RANBP9: variants seen among roughly 807,000 people sequenced by gnomAD.
RANBP9 encodes ran-binding protein 9.
In RANBP9, 15 loss-of-function variants were observed where a neutral mutation model predicts 84.3. That is an observed-to-expected ratio of 0.18 (90% CI 0.12 to 0.27). The LOEUF is 0.27. Ranked by LOEUF, RANBP9 falls within the 10% of genes least tolerant of loss-of-function variation. The pLI is 1.00. For missense variants in RANBP9, 809 were observed against 912.8 expected, an observed-to-expected ratio of 0.89 and a Z score of 1.46; for synonymous variants, 392 against 349.6, an observed-to-expected ratio of 1.12 and a Z score of -1.35.
Position 13,634,478 on chromosome 6 carries a change from C to A in RANBP9, c.1748G>T (p.Gly583Val). 1 of 1,613,666 alleles carries A rather than the reference C, an allele frequency of 6.2e-7. No homozygotes were observed. The highest frequency in any genetic ancestry group is 8.5e-7 in the Non-Finnish European group (1 of 1,179,712). Reference sequence around the variant, plus strand: ...CATTTCGTGGTCATGTTTAGAGCTACCATTTAGGAAACCATTGGATGAAGT... The same window carrying A: ...CATTTCGTGGTCATGTTTAGAGCTAACATTTAGGAAACCATTGGATGAAGT... ...GETSSNGFLNGSSKHDHEMED... is the reference protein window; with the variant it reads ...GETSSNGFLNVSSKHDHEMED... Residue 583 changes from glycine (G) to valine (V), a missense_variant, in exon 11 of 14, where the codon GGT (glycine) becomes GTT (valine). Gly to Val is a moderately radical substitution (Grantham distance 109). Around this residue, in one of 5 missense-constraint regions of RANBP9, gnomAD observed 233 missense variants for 234.4 expected, o/e 0.99. Transcript: ENST00000011619.
intron 2 of RANBP9, among the ~76,000 whole-genome samples, chr6:13,660,518 G>T (rs143339467): frequency 6.6e-6 from 1 of 152,090 alleles, no homozygotes; most frequent in East Asian, 1.9e-4. Context: ...TGTCACTCAG[G>T]CTGGAGGGCA....
intron 4 of RANBP9, among the ~76,000 whole-genome samples, chr6:13,653,333 G>A (rs1765336341): frequency 6.6e-6 from 1 of 152,070 alleles, no homozygotes; most frequent in Non-Finnish European, 1.5e-5. Context: ...CTTGAGCAAT[G>A]GCAATATCAT....
chr6:13,693,991 C>A (rs1766384691), intron 2 of RANBP9, among the ~76,000 whole-genome samples: 1 of 152,012 alleles, frequency 6.6e-6, no homozygotes, highest in Non-Finnish European at 1.5e-5. Flanking sequence ...TGCAGTGAGC[C>A]AAGACTGCAC....
Position 13,633,114 on chromosome 6 carries a change from A to T in RANBP9, c.1796-593T>A, listed in dbSNP as rs568246608. Among the ~76,000 whole-genome samples, 23 of 152,050 alleles carry T rather than the reference A, an allele frequency of 1.5e-4. No homozygotes were observed. In the South Asian group the frequency reaches 4.4e-3, roughly 29 times the overall value. On this transcript the variant is annotated intron_variant, in intron 11 of 13. Transcript: ENST00000011619. ...CAGTGGTGTGATCCCAGCTCACTGG[A>T]ACCTCTGCCTCCCAGGTTCAAGCAA...
chr6:13,632,599 C>A (rs1764822068), intron 11 of RANBP9, 78 bp from the exon 12 acceptor site: 1 of 1,317,914 alleles, frequency 7.6e-7, no homozygotes, highest in African/African-American at 1.5e-5. Flanking sequence ...ATTTCTTATA[C>A]CATTTTGTAC....
intron 2 of RANBP9, among the ~76,000 whole-genome samples, chr6:13,665,106 T>A (rs927769495): frequency 7.9e-5 from 12 of 151,938 alleles, no homozygotes; most frequent in Admixed American, 4.6e-4. Flanking sequence ...TACACAAAAA[T>A]CAAATGAAGA....
intron 1 of RANBP9, among the ~76,000 whole-genome samples, chr6:13,707,508 G>C (rs1758157291): frequency 6.6e-6 from 1 of 152,130 alleles, no homozygotes; most frequent in African/African-American, 2.4e-5. Flanking sequence ...TGTGATCACA[G>C]GATTTTATCT....
Position 13,694,368 on chromosome 6 carries a change from T to C in RANBP9, c.683+2417A>G, listed in dbSNP as rs572504127. ...ATATACAACAGGGAGGAATCTCGAA[T>C]GTGTTATGCTAAGTGAAAGATACCA... On this transcript the variant is annotated intron_variant, in intron 2 of 13. Transcript: ENST00000011619. Among the ~76,000 whole-genome samples, 319 of 152,330 alleles carry C rather than the reference T, an allele frequency of 2.1e-3. 1 individual carries two copies. The highest frequency in any genetic ancestry group is 7.4e-3 in the African/African-American group (307 of 41,578).
At chr6:13,638,275 T>C (rs982887303) in intron 9 of RANBP9, among the ~76,000 whole-genome samples, 1 of 152,058 alleles carries the variant, frequency 6.6e-6, no homozygotes, top group Non-Finnish European at 1.5e-5. Flanking sequence ...AAGCCTGAAG[T>C]GACTGTATGA....
Position 13,634,280 on chromosome 6 carries a change from A to G in RANBP9, c.1795+151T>C. 6.8e-6 allele frequency: 6 copies of G among 880,652 alleles called. No individual in the cohort carries two copies. In the South Asian group the frequency reaches 9.6e-5, roughly 14 times the overall value. The allele number at this position is 880,652 out of a possible 1,614,324, so 54.6% of individuals were successfully genotyped here. ...CTTTCTCTAGCAGCCCACTCAAACA[A>G]GAGTTTAAGTGCTATGCATTACTGT... On this transcript the variant is annotated intron_variant, in intron 11 of 13. Transcript: ENST00000011619.
intron 2 of RANBP9, among the ~76,000 whole-genome samples, chr6:13,664,471 T>TTTTTA (rs1765603706): frequency 6.6e-6 from 1 of 152,096 alleles, no homozygotes; most frequent in Admixed American, 6.6e-5. Context: ...TCTTTTTTTT[T>TTTTTA]AATCTGAAAA....
chr6:13,705,406 CAAAAA>C (rs774239782), intron 1 of RANBP9, among the ~76,000 whole-genome samples: 46 of 26,744 alleles, frequency 1.7e-3, no homozygotes, highest in African/African-American at 4.2e-3. Context: ...GATTCTGTCT[CAAAAA>C]AAAAAAAAAA....
intron 10 of RANBP9, among the ~76,000 whole-genome samples, chr6:13,636,620 A>G (rs1295472625): frequency 6.6e-6 from 1 of 152,254 alleles, no homozygotes; most frequent in South Asian, 2.1e-4. Flanking sequence ...TTTAGTATAA[A>G]GCATGATGAA....
Position 13,667,795 on chromosome 6 carries a change from T to A in RANBP9, c.684-8963A>T, listed in dbSNP as rs762207746. Among the ~76,000 whole-genome samples, 196 of 152,162 alleles carry A rather than the reference T, an allele frequency of 1.3e-3. 2 individuals carry two copies. Among genetic ancestry groups the A allele is most frequent in the Non-Finnish European group, 2.6e-4 (18 of 68,006 alleles). ...TACCATTTAGGTTTGTGTAAGTACA[T>A]TCTATGATATTCCTACAATGACAAA... On this transcript the variant is annotated intron_variant, in intron 2 of 13. Coordinates refer to ENST00000011619, the MANE Select transcript of RANBP9 (RefSeq NM_005493.3).
At chr6:13,662,070 G>A (rs556746259) in intron 2 of RANBP9, among the ~76,000 whole-genome samples, 5 of 152,208 alleles carry the variant, frequency 3.3e-5, no homozygotes, top group African/African-American at 9.6e-5. Context: ...ACTATCTGAC[G>A]ACATACTTTA....
At chr6:13,699,206 T>G (rs1252929975) in intron 1 of RANBP9, among the ~76,000 whole-genome samples, 1 of 152,190 alleles carries the variant, frequency 6.6e-6, no homozygotes, top group South Asian at 2.1e-4. Flanking sequence ...TAAAATCCCA[T>G]ACATTTTTCC....
intron 2 of RANBP9, among the ~76,000 whole-genome samples, chr6:13,692,107 T>C (rs927455365): frequency 3.3e-5 from 5 of 152,170 alleles, no homozygotes; most frequent in Non-Finnish European, 1.5e-5. Flanking sequence ...AGAAAAACAT[T>C]AGTTGGCCAA....
intron 2 of RANBP9, among the ~76,000 whole-genome samples, chr6:13,679,381 G>A (rs565744312): frequency 4.7e-4 from 71 of 152,164 alleles, no homozygotes; most frequent in African/African-American, 1.7e-3. Context: ...AGACAATAAG[G>A]CTCTAAAAAC....
At chr6:13,683,291 A>G (rs1371084725) in intron 2 of RANBP9, among the ~76,000 whole-genome samples, 1 of 152,220 alleles carries the variant, frequency 6.6e-6, no homozygotes, top group African/African-American at 2.4e-5. Flanking sequence ...CAAGAATTCA[A>G]TATATCTGAG....
Sources: allele counts gnomAD v4.1 joint callset (sites outside exome capture counted in the v4.1 genomes callset), GRCh38; gene constraint gnomAD v4.1.1; regional missense constraint gnomAD v4.1.1; transcripts MANE v1.5; gene names NCBI Gene and HGNC (gene_info 2026-07-23, HGNC 2026-07-21).